The following MARCHF1 variants were observed in gnomAD, a reference collection of about 807,000 sequenced individuals.
The protein encoded by MARCHF1 is membrane associated ring-CH-type finger 1, also known as E3 ubiquitin-protein ligase MARCHF1.
MARCHF1 carries 40 observed loss-of-function variants against 54.2 expected under a neutral mutation model. The ratio of observed to expected loss-of-function variants is 0.74; its 90% CI spans 0.57 to 0.96. The LOEUF is 0.96. MARCHF1 is among the 40% of genes least tolerant of loss of function. The pLI, the probability that MARCHF1 is intolerant of heterozygous loss-of-function variation, is 0.00. For missense variants in MARCHF1, 586 were observed against 656.5 expected (o/e 0.89, Z 1.17); for synonymous variants, 236 against 236.3 (o/e 1.00, Z 0.01).
chr4:163,854,354 A>T (rs17474369), intron 3 of MARCHF1, among the ~76,000 whole-genome samples, 185 bp from the exon 4 acceptor site: 36,130 of 152,060 alleles, frequency 0.24, 5,062 homozygotes, highest in Non-Finnish European at 0.32. Flanking sequence ...GAGTCACAGG[A>T]CAATAGAAAG....
At chr4:164,151,991 CT>C (rs1729955669) in intron 1 of MARCHF1, among the ~76,000 whole-genome samples, 1 of 152,096 alleles carries the variant, frequency 6.6e-6, no homozygotes, top group African/African-American at 2.4e-5. Context: ...TATCTATACA[CT>C]CATTTATTCT....
intron 4 of MARCHF1, among the ~76,000 whole-genome samples, chr4:163,797,220 CCTG>C (rs1247496077): frequency 6.6e-6 from 1 of 151,364 alleles, no homozygotes; most frequent in Admixed American, 6.6e-5. Flanking sequence ...GGTTTCTGTT[CCTG>C]CTATCAAGAA....
chr4:164,066,906 A>T (rs955223173), intron 2 of MARCHF1, among the ~76,000 whole-genome samples: 1 of 152,156 alleles, frequency 6.6e-6, no homozygotes, highest in African/African-American at 2.4e-5. Flanking sequence ...ATCAGGAAAA[A>T]CAACTAATGG....
intron 5 of MARCHF1, among the ~76,000 whole-genome samples, chr4:163,699,963 GT>G (rs35324736): frequency 0.049 from 7,050 of 143,864 alleles, 203 homozygotes; most frequent in East Asian, 0.087. Context: ...GGAATATTTT[GT>G]TTTTTTTTTT....
At chr4:163,914,447 A>C (rs1328078615) in intron 3 of MARCHF1, among the ~76,000 whole-genome samples, 2 of 152,136 alleles carry the variant, frequency 1.3e-5, no homozygotes, top group African/African-American at 4.8e-5. Flanking sequence ...TTAAATATAC[A>C]TTTCAATAAA....
intron 1 of MARCHF1, among the ~76,000 whole-genome samples, chr4:164,377,734 A>G (rs888988457): frequency 1.4e-4 from 21 of 152,186 alleles, no homozygotes; most frequent in African/African-American, 4.6e-4. Context: ...TATTTGAATT[A>G]CTGGTCTTCA....
At chr4:163,631,313 C>A (rs1742069252) in intron 5 of MARCHF1, among the ~76,000 whole-genome samples, 1 of 151,932 alleles carries the variant, frequency 6.6e-6, no homozygotes, top group African/African-American at 2.4e-5. Flanking sequence ...TTGCCTCAGC[C>A]TCCTGAGTAG....
At chr4:163,865,871 C>A (rs968432265) in intron 3 of MARCHF1, among the ~76,000 whole-genome samples, 2 of 151,236 alleles carry the variant, frequency 1.3e-5, no homozygotes, top group African/African-American at 4.8e-5. Context: ...ATAAATTTTG[C>A]AAAACCCTAA....
At chr4:164,118,555 T>G (rs1269666776) in intron 1 of MARCHF1, among the ~76,000 whole-genome samples, 1 of 151,366 alleles carries the variant, frequency 6.6e-6, no homozygotes, top group Non-Finnish European at 1.5e-5. Flanking sequence ...CCATTTAAGC[T>G]TATAAGACAA....
At chr4:163,584,822 T>C (rs1461268196) in intron 8 of MARCHF1, 1 of 152,192 alleles carries the variant, frequency 6.6e-6, no homozygotes, top group African/African-American at 2.4e-5. Context: ...TCCTATAACT[T>C]TTGCTTTGCA....
intron 2 of MARCHF1, among the ~76,000 whole-genome samples, chr4:164,003,864 T>G (rs1753233208): frequency 6.6e-6 from 1 of 152,164 alleles, no homozygotes; most frequent in Non-Finnish European, 1.5e-5. Context: ...CTATTCACAA[T>G]AGCAAAAACA....
chr4:163,823,270 G>A (rs1205190021), intron 4 of MARCHF1, among the ~76,000 whole-genome samples: 1 of 151,696 alleles, frequency 6.6e-6, no homozygotes, highest in Non-Finnish European at 1.5e-5. Context: ...ACCCCAGTAA[G>A]GAAGCTATAG....
rs1441086207 is a variant in MARCHF1 at position 163,528,070 on chromosome 4, C to CTAAT, written c.*674_*677dup. ...ACAGTTCTGTGGGTATTTAACAGAG[C>CTAAT]TAATTATATCCGAACATTTTCTGAA... On this transcript the variant is annotated 3_prime_UTR_variant, in exon 10 of 10. Coordinates refer to ENST00000514618, the MANE Select transcript of MARCHF1 (RefSeq NM_001394959.1). The CTAAT allele has an allele frequency of 3.9e-5, 6 of 152,366 alleles. No homozygotes were observed. Among genetic ancestry groups the CTAAT allele is most frequent in the East Asian group, 1.9e-4 (1 of 5,194 alleles). 9.4% of individuals were successfully genotyped at this position (152,366 alleles called of 1,614,324 possible).
At chr4:163,854,563 A>G (rs983694059) in intron 3 of MARCHF1, among the ~76,000 whole-genome samples, 20 of 152,222 alleles carry the variant, frequency 1.3e-4, no homozygotes, top group African/African-American at 4.8e-5. Context: ...AAAATTTGGC[A>G]TAGCTTTTCA....
chr4:164,081,095 C>T (rs2111112683), intron 2 of MARCHF1, among the ~76,000 whole-genome samples: 1 of 144,934 alleles, frequency 6.9e-6, no homozygotes, highest in African/African-American at 2.5e-5. Flanking sequence ...GTAGTCCCAG[C>T]TACTTGAGAG....
At chr4:164,226,356 C>G (rs1195071246) in intron 1 of MARCHF1, among the ~76,000 whole-genome samples, 1 of 151,818 alleles carries the variant, frequency 6.6e-6, no homozygotes, top group Non-Finnish European at 1.5e-5. Flanking sequence ...CTATTAGAGT[C>G]GTTGGAGGGG....
intron 4 of MARCHF1, among the ~76,000 whole-genome samples, chr4:163,817,770 A>G (rs1172899060): frequency 6.6e-6 from 1 of 151,950 alleles, no homozygotes; most frequent in East Asian, 1.9e-4. Flanking sequence ...ACCACGGAAT[A>G]CTATGCAGCC....
At chr4:163,824,794 G>T (rs1228512759) in intron 4 of MARCHF1, among the ~76,000 whole-genome samples, 1 of 104,838 alleles carries the variant, frequency 9.5e-6, no homozygotes. Flanking sequence ...AAATTTACAA[G>T]AAAAAAACAA....
At chr4:164,361,537 T>C (rs1432002696) in intron 1 of MARCHF1, among the ~76,000 whole-genome samples, 2 of 152,144 alleles carry the variant, frequency 1.3e-5, no homozygotes, top group African/African-American at 2.4e-5. Context: ...CCTTCTCATC[T>C]AGACTCTGCC....
Sources: gnomAD v4.1 joint callset for allele counts (sites outside exome capture counted in the v4.1 genomes callset) on GRCh38, gnomAD v4.1.1 for gene constraint, MANE v1.5 for transcripts, NCBI Gene and HGNC (gene_info 2026-07-23, HGNC 2026-07-21) for gene names.